TTLL5: variants seen among roughly 807,000 people sequenced by gnomAD.
TTLL5 encodes the protein tubulin tyrosine ligase like 5.
A neutral mutation model predicts 168.4 loss-of-function variants in TTLL5; 132 were observed. The observed-to-expected ratio is 0.78, with a 90% CI of 0.68 to 0.91. The LOEUF is 0.91. Among genes scored for constraint, TTLL5 ranks in the 40% least tolerant of loss-of-function variants. TTLL5 has a pLI of 0.00. For synonymous variants in TTLL5, 546 were observed against 558.6 expected, an observed-to-expected ratio of 0.98 and a Z score of 0.32; for missense variants, 1,545 against 1,581.5, an observed-to-expected ratio of 0.98 and a Z score of 0.39.
intron 11 of TTLL5, among the ~76,000 whole-genome samples, chr14:75,720,349 A>G (rs17783180): frequency 1.3e-5 from 2 of 152,154 alleles, no homozygotes; most frequent in African/African-American, 2.4e-5. Flanking sequence ...TGAGGCTCCT[A>G]TTCCATTATG....
chr14:75,816,242 T>C (rs1245654494), intron 27 of TTLL5, among the ~76,000 whole-genome samples: 2 of 152,170 alleles, frequency 1.3e-5, no homozygotes, highest in African/African-American at 4.8e-5. Flanking sequence ...CTGGCCAACA[T>C]GGTGAAATCC....
chr14:75,793,003 A>G lies in TTLL5; in HGVS notation c.3074A>G (p.Asn1025Ser), dbSNP rs777058208. The change falls in exon 27 of 32, where the codon AAC (asparagine) becomes AGC (serine). Residue 1025 changes from asparagine to serine, a missense_variant. Physicochemically the swap from Asn to Ser is conservative, Grantham distance 46 (BLOSUM62 1). Coordinates refer to ENST00000298832, the MANE Select transcript of TTLL5 (RefSeq NM_015072.5). Reference protein sequence around the residue: ...EDASLYSKRYNQSMVTAELQR... With the variant: ...EDASLYSKRYSQSMVTAELQR... Reference sequence around the variant, plus strand: ...GCTTCTTTATATAGCAAACGGTACAACCAAAGTATGGTTACAGCTGAACTT... The same window carrying G: ...GCTTCTTTATATAGCAAACGGTACAGCCAAAGTATGGTTACAGCTGAACTT... 2.5e-6 allele frequency: 4 copies of G among 1,613,840 alleles called. No homozygotes were observed. The highest frequency in any genetic ancestry group is 1.1e-5 in the South Asian group (1 of 91,028).
intron 31 of TTLL5, among the ~76,000 whole-genome samples, chr14:75,948,237 C>T (rs915331387): frequency 1.3e-5 from 2 of 152,148 alleles, no homozygotes; most frequent in Non-Finnish European, 2.9e-5. Flanking sequence ...GTAACCCCTG[C>T]GCTTTGGGAG....
intron 29 of TTLL5, among the ~76,000 whole-genome samples, chr14:75,872,874 T>C (rs932952863): frequency 6.8e-6 from 1 of 147,566 alleles, no homozygotes; most frequent in Non-Finnish European, 1.5e-5. Context: ...TCGTGGCCAT[T>C]GCACTCCAGC....
At chr14:75,846,747 A>T (rs1896565639) in intron 28 of TTLL5, among the ~76,000 whole-genome samples, 2 of 145,158 alleles carry the variant, frequency 1.4e-5, no homozygotes, top group South Asian at 4.3e-4. Flanking sequence ...CCGAGATTGC[A>T]CCATTGCACT....
At chr14:75,775,718 A>C in intron 22 of TTLL5, 88 bp downstream of exon 22, 1 of 1,492,898 alleles carries the variant, frequency 6.7e-7, no homozygotes, top group Non-Finnish European at 9.1e-7. Flanking sequence ...AACTGGATGG[A>C]GACACTCTTC....
At chr14:75,857,518 TC>T (rs1453669276) in intron 28 of TTLL5, among the ~76,000 whole-genome samples, 1 of 152,178 alleles carries the variant, frequency 6.6e-6, no homozygotes, top group Non-Finnish European at 1.5e-5. Flanking sequence ...TTTTGTACTA[TC>T]TTTGTCAGAT....
chr14:75,907,121 A>G, intron 31 of TTLL5, among the ~76,000 whole-genome samples: 1 of 152,232 alleles, frequency 6.6e-6, no homozygotes, highest in East Asian at 1.9e-4. Context: ...GGACTTTCAG[A>G]TTATGGGAGG....
chr14:75,886,008 A>G (rs965319628), intron 30 of TTLL5, among the ~76,000 whole-genome samples: 10 of 152,182 alleles, frequency 6.6e-5, no homozygotes, highest in Non-Finnish European at 1.3e-4. Flanking sequence ...GGCTCAGTTC[A>G]GATTAATCAG....
chr14:75,930,707 GA>G, intron 31 of TTLL5: 1 of 937,816 alleles, frequency 1.1e-6, no homozygotes. Context: ...TTATGGTTCT[GA>G]GAGAAAGAAG....
At chr14:75,670,191 AT>A (rs555846331) in intron 3 of TTLL5, among the ~76,000 whole-genome samples, 2,902 of 151,904 alleles carry the variant, frequency 0.019, 44 homozygotes, top group Middle Eastern at 0.031. Context: ...GTTGATGTAC[AT>A]TTTTTTTGTT....
intron 6 of TTLL5, among the ~76,000 whole-genome samples, chr14:75,694,848 T>C (rs1258502232): frequency 6.6e-6 from 1 of 152,252 alleles, no homozygotes; most frequent in African/African-American, 2.4e-5. Flanking sequence ...TGTGATTTCC[T>C]ATGTCTGTCT....
chr14:75,844,018 G>A (rs1383516583), intron 28 of TTLL5, among the ~76,000 whole-genome samples: 1 of 151,316 alleles, frequency 6.6e-6, no homozygotes. Context: ...TCAGCCTCCC[G>A]AGTAGCTGGG....
intron 9 of TTLL5, chr14:75,709,196 T>C: frequency 1.3e-6 from 1 of 762,204 alleles, no homozygotes; most frequent in Non-Finnish European, 2.4e-6. Flanking sequence ...AATTGGAAGA[T>C]GGGAAATACC....
chr14:75,835,380 T>A (rs1406170812), intron 28 of TTLL5: 1 of 152,268 alleles, frequency 6.6e-6, no homozygotes, highest in East Asian at 1.9e-4. Flanking sequence ...GTGGCTGTTT[T>A]GAGTATTGCT....
chr14:75,859,443 T>C lies in TTLL5; in HGVS notation c.3327-4224T>C, dbSNP rs948199111. Reference sequence around the variant, plus strand: ...AATATTGTTGCCTATTTGCTACATATGTAAAGGGGAAATACAGCCTAATTC... The same window carrying C: ...AATATTGTTGCCTATTTGCTACATACGTAAAGGGGAAATACAGCCTAATTC... On this transcript the variant is annotated intron_variant, in intron 28 of 31. Coordinates refer to ENST00000298832, the MANE Select transcript of TTLL5 (RefSeq NM_015072.5). Among the ~76,000 whole-genome samples the C allele has an allele frequency of 2.6e-5, 4 of 152,228 alleles. No individual in the cohort carries two copies. In the East Asian group the frequency reaches 7.7e-4, roughly 29 times the overall value.
intron 21 of TTLL5, 136 bp downstream of exon 21, chr14:75,771,990 T>G: frequency 9.9e-7 from 1 of 1,012,560 alleles, no homozygotes; most frequent in Non-Finnish European, 1.4e-6. Flanking sequence ...GGTTTTTAGA[T>G]TTCTTATAAA....
intron 31 of TTLL5, among the ~76,000 whole-genome samples, chr14:75,921,482 A>G (rs866717472): frequency 3.9e-5 from 6 of 152,228 alleles, no homozygotes; most frequent in Admixed American, 6.5e-5. Flanking sequence ...TAAAAAGGGA[A>G]TCCTTTCCCC....
At chr14:75,772,008 T>C (rs1257360620) in intron 21 of TTLL5, among the ~76,000 whole-genome samples, 154 bp downstream of exon 21, 1 of 152,150 alleles carries the variant, frequency 6.6e-6, no homozygotes, top group Non-Finnish European at 1.5e-5. Flanking sequence ...AAATCTATAC[T>C]TACAAGATTT....
Sources: allele counts gnomAD v4.1 joint callset (sites outside exome capture counted in the v4.1 genomes callset), GRCh38; gene constraint gnomAD v4.1.1; transcripts MANE v1.5; gene names NCBI Gene and HGNC (gene_info 2026-07-23, HGNC 2026-07-21).